CAPN11: variants seen among roughly 807,000 people sequenced by gnomAD.
The protein encoded by CAPN11 is calpain 11.
In CAPN11, 108 loss-of-function variants were observed where a neutral mutation model predicts 105.3. The ratio of observed to expected loss-of-function variants is 1.03; its 90% CI spans 0.88 to 1.20. CAPN11 has a LOEUF of 1.20. CAPN11 is among the 50% of genes most tolerant of loss of function. The pLI is 0.00. For synonymous variants in CAPN11, 329 were observed against 344.5 expected (o/e 0.96, Z 0.50); for missense variants, 883 against 924.8 (o/e 0.95, Z 0.59).
chr6:44,166,862 C>T (rs1231776358), intron 2 of CAPN11, 33 bp downstream of exon 2: 3 of 1,405,898 alleles, frequency 2.1e-6, no homozygotes, highest in African/African-American at 1.4e-5. Flanking sequence ...GCTCTGTGGC[C>T]TCCCTTTTTC....
rs1770651269 is a variant in CAPN11, at chr6:44,169,793, C to T, written c.340-113C>T. On this transcript the variant is annotated intron_variant, in intron 3 of 22. Coordinates refer to ENST00000398776, the MANE Select transcript of CAPN11 (RefSeq NM_007058.4). ...TTGGTCCTGTACCCTCTCCCTGCCCCTCATATCTGTTCCCCTGGAACTTCA... is the reference window on the plus strand; with the variant it reads ...TTGGTCCTGTACCCTCTCCCTGCCCTTCATATCTGTTCCCCTGGAACTTCA... The T allele has an allele frequency of 3.3e-6, 3 of 901,774 alleles. No homozygotes were observed. The South Asian group carries it at 4.6e-5, about 14-fold the overall frequency. The allele number at this position is 901,774 out of a possible 1,614,324, so 55.9% of individuals were successfully genotyped here.
intron 21 of CAPN11, 69 bp from the exon 22 acceptor site, chr6:44,183,636 T>C (rs980875679): frequency 4.1e-6 from 6 of 1,448,108 alleles, no homozygotes; most frequent in Non-Finnish European, 5.8e-6. Flanking sequence ...TCCTACCTAG[T>C]TGGGAGTGGT....
chr6:44,183,129 G>C lies in CAPN11; in HGVS notation c.2028G>C (p.Leu676=), dbSNP rs1420355912. 3 of 1,612,504 alleles carry C rather than the reference G, an allele frequency of 1.9e-6. No homozygotes were observed. Among genetic ancestry groups the C allele is most frequent in the Non-Finnish European group, 2.5e-6 (3 of 1,178,894 alleles). The change falls in exon 21 of 23, where the codon CTG becomes CTC. Residue 676 remains leucine (L), a synonymous_variant. Transcript: ENST00000398776. ...RLVIEKAGIK[L]NNKVMQVLVA... is the part of the protein sequence containing the mutation. ...CTCTCCCTCTCTCAGGCATCAAGCT[G>C]AACAACAAGGTAATGCAGGTCCTGG...
Position 44,169,411 on chromosome 6 carries a change from T to C in CAPN11, c.219T>C (p.Cys73=), listed in dbSNP as rs1770585790. The change falls in exon 3 of 23, where the codon TGT becomes TGC. Residue 73 remains cysteine, a synonymous_variant. Coordinates refer to ENST00000398776, the MANE Select transcript of CAPN11 (RefSeq NM_007058.4). Reference sequence around the variant, plus strand: ...GCTTTGAGGAGCTGCGAGCAGCCTGTCTAAGAAAGGGGGAGCTCTTCGAGG... The same window carrying C: ...GCTTTGAGGAGCTGCGAGCAGCCTGCCTAAGAAAGGGGGAGCTCTTCGAGG... ...NQSFEELRAA[C]LRKGELFEDP... 8 of 1,613,870 alleles carry C rather than the reference T, an allele frequency of 5.0e-6. No homozygotes were observed. Among genetic ancestry groups the C allele is most frequent in the Non-Finnish European group, 4.2e-6 (5 of 1,179,842 alleles).
At position 44,180,978 on chromosome 6, in the gene CAPN11, G is replaced by T. The variant is rs1180378827; in HGVS notation, c.1850G>T (p.Cys617Phe). Residue 617 changes from cysteine (C) to phenylalanine (F), a missense_variant, in exon 18 of 23, where the codon TGC becomes TTC. Transcript: ENST00000398776. ...GGCTTTGGCCTGGATGCTTGCCGCT[G>T]CATGATCAACCTCATGGATGTATCC... Reference protein sequence around the residue: ...TKGFGLDACRCMINLMDKDGS... With the variant: ...TKGFGLDACRFMINLMDKDGS... The T allele has an allele frequency of 2.5e-6, 4 of 1,613,388 alleles. No homozygotes were observed. Among genetic ancestry groups the T allele is most frequent in the Non-Finnish European group, 3.4e-6 (4 of 1,179,446 alleles).
chr6:44,183,524 G>T (rs1774126517), intron 21 of CAPN11, among the ~76,000 whole-genome samples, 181 bp from the exon 22 acceptor site: 1 of 152,194 alleles, frequency 6.6e-6, no homozygotes, highest in Non-Finnish European at 1.5e-5. Context: ...AATCAGAACT[G>T]GGCCTGGCTC....
intron 1 of CAPN11, 98 bp from the exon 2 acceptor site, chr6:44,166,660 C>T: frequency 1.1e-6 from 1 of 899,212 alleles, no homozygotes; most frequent in Non-Finnish European, 1.8e-6. Flanking sequence ...CAGTTCTTTT[C>T]CTCATTCTAA....
chr6:44,182,578 A>G (rs1773959819), intron 19 of CAPN11, among the ~76,000 whole-genome samples: 1 of 152,050 alleles, frequency 6.6e-6, no homozygotes, highest in Admixed American at 6.6e-5. Flanking sequence ...GCTGTGAGCC[A>G]ACTGTCCTAA....
rs1770529440 is a variant in CAPN11, at chr6:44,169,116, T to G, written c.89-165T>G. 33 of 798,236 alleles carry G rather than the reference T, an allele frequency of 4.1e-5. No individual in the cohort carries two copies. The South Asian group carries it at 5.0e-4, about 12-fold the overall frequency. The allele number at this position is 798,236 out of a possible 1,614,324, so 49.4% of individuals were successfully genotyped here. On this transcript the variant is annotated intron_variant, in intron 2 of 22. Coordinates refer to ENST00000398776, the MANE Select transcript of CAPN11 (RefSeq NM_007058.4). Reference sequence around the variant, plus strand: ...CAGCTAATTAAAAAAAATTTTTTTGTCGAGATGAGATCTCACCATGTTGCC... The same window carrying G: ...CAGCTAATTAAAAAAAATTTTTTTGGCGAGATGAGATCTCACCATGTTGCC...
In CAPN11 at chr6:44,166,949, G is replaced by A. The variant is rs550684183; in HGVS notation, c.88+120G>A. ...TCAGTCATGTTGTGTGGGGAGGGCG[G>A]CGGGGGGAGGGGAGGCTACCCTCAG... On this transcript the variant is annotated intron_variant, in intron 2 of 22. Transcript: ENST00000398776. 548 of 572,738 alleles carry A rather than the reference G, an allele frequency of 9.6e-4. 13 individuals carry two copies. Among genetic ancestry groups the A allele is most frequent in the Middle Eastern group, 6.2e-3 (13 of 2,110 alleles). 35.5% of individuals were successfully genotyped at this position (572,738 alleles called of 1,614,324 possible). A position where few individuals can be genotyped will look rare whatever the true frequency, so the allele number is the denominator to read the frequency against.
chr6:44,166,637 C>G (rs572902935), intron 1 of CAPN11, 121 bp from the exon 2 acceptor site: 8 of 729,090 alleles, frequency 1.1e-5, no homozygotes, highest in Non-Finnish European at 1.9e-5. Context: ...CTCCCTGTAG[C>G]TGCGCCCCAA....
chr6:44,179,594 A>T (rs1440851484), intron 12 of CAPN11, 25 bp from the exon 13 acceptor site: 1 of 1,610,872 alleles, frequency 6.2e-7, no homozygotes, highest in Non-Finnish European at 8.5e-7. Flanking sequence ...TAGAGATCTG[A>T]CTCTCCTCTT....
chr6:44,173,484 A>C, intron 7 of CAPN11, 98 bp downstream of exon 7: 11 of 745,612 alleles, frequency 1.5e-5, no homozygotes, highest in East Asian at 2.7e-5. Flanking sequence ...GCACCTTCTC[A>C]TTCAGTTCAA....
Position 44,180,060 on chromosome 6 carries a change from C to T in CAPN11, c.1537C>T (p.Arg513Trp), listed in dbSNP as rs201723833. The T allele has an allele frequency of 2.5e-4, 402 of 1,612,594 alleles. No individual in the cohort carries two copies. The African/African-American group carries it at 3.5e-3, about 14-fold the overall frequency. Residue 513 changes from arginine to tryptophan, a missense_variant, in exon 14 of 23, where the codon CGG becomes TGG. Arg to Trp is a moderately radical substitution (Grantham distance 101). Coordinates refer to ENST00000398776, the MANE Select transcript of CAPN11 (RefSeq NM_007058.4). The part of the protein sequence containing the change: ...TNSREVSSQL[R>W]LPPGEYIIIP... ...CTCACGGGAGGTGAGCAGCCAACTC[C>T]GGCTGCCTCCGGGGGAATATATCAT...
chr6:44,169,806 C>T, intron 3 of CAPN11, 100 bp from the exon 4 acceptor site: 2 of 973,158 alleles, frequency 2.1e-6, no homozygotes, highest in East Asian at 2.6e-5. Flanking sequence ...ATATCTGTTC[C>T]CCTGGAACTT....
chr6:44,166,468 GCT>G (rs1561839606), intron 1 of CAPN11, among the ~76,000 whole-genome samples: 4 of 152,172 alleles, frequency 2.6e-5, no homozygotes, highest in Admixed American at 2.0e-4. Flanking sequence ...CAGAGAAGGT[GCT>G]CAGTGCTGTC....
chr6:44,175,928 A>G (rs1391182016), intron 7 of CAPN11, 140 bp from the exon 8 acceptor site: 1 of 603,548 alleles, frequency 1.7e-6, no homozygotes, highest in South Asian at 2.0e-5. Context: ...ATCTGCAATT[A>G]TTTCAAAATA....
At position 44,173,349 on chromosome 6, in the gene CAPN11, C is replaced by T; in HGVS notation, c.794C>T (p.Ala265Val). The change falls in exon 7 of 23, where the codon GCC (alanine) becomes GTC (valine). Residue 265 changes from alanine to valine, a missense_variant. Physicochemically the swap from Ala to Val is moderately conservative, Grantham distance 64. Coordinates refer to ENST00000398776, the MANE Select transcript of CAPN11 (RefSeq NM_007058.4). ...PQNLLRLLRK[A>V]VERSSLMGCS... ...AACCTGCTCAGGCTCCTTAGGAAGG[C>T]CGTGGAGCGATCCTCCCTCATGGGT... is the stretch of plus-strand genomic sequence containing the variant. 2 of 1,613,390 alleles carry T rather than the reference C, an allele frequency of 1.2e-6. No homozygotes were observed. The highest frequency in any genetic ancestry group is 1.1e-5 in the South Asian group (1 of 91,036).
intron 6 of CAPN11, 51 bp from the exon 7 acceptor site, chr6:44,173,167 C>A: frequency 6.2e-7 from 1 of 1,605,976 alleles, no homozygotes; most frequent in East Asian, 2.2e-5. Flanking sequence ...ACATCCCTCC[C>A]TCCCCTCACC....
Sources: allele counts gnomAD v4.1 joint callset (sites outside exome capture counted in the v4.1 genomes callset), GRCh38; gene constraint gnomAD v4.1.1; transcripts MANE v1.5; gene names NCBI Gene and HGNC (gene_info 2026-07-23, HGNC 2026-07-21).